The following ANO2 variants were observed in gnomAD, a reference collection of about 807,000 sequenced individuals.
ANO2 encodes anoctamin 2, also known as anoctamin-2.
Under a neutral mutation model 124.2 loss-of-function variants are expected in ANO2, and 101 were observed. The ratio of observed to expected loss-of-function variants is 0.81; its 90% confidence interval spans 0.69 to 0.96. The LOEUF (loss-of-function observed/expected upper bound fraction) is 0.96, where lower values mean the gene tolerates loss of function less well. Ranked by LOEUF, ANO2 falls within the 40% of genes least tolerant of loss-of-function variation. The pLI is 0.00. For missense variants in ANO2, 1,293 were observed against 1,274.5 expected, an observed-to-expected ratio of 1.01 and a Z score of -0.22; for synonymous variants, 486 against 482.5, an observed-to-expected ratio of 1.01 and a Z score of -0.09.
At chr12:5,920,682 G>A (rs1004066555) in intron 3 of ANO2, among the ~76,000 whole-genome samples, 5 of 152,014 alleles carry the variant, frequency 3.3e-5, no homozygotes, top group African/African-American at 1.2e-4. Context: ...TGGCTAACAC[G>A]GTGAAACCCC....
intron 3 of ANO2, among the ~76,000 whole-genome samples, chr12:5,884,031 C>T (rs59307098): frequency 1.3e-5 from 2 of 152,286 alleles, no homozygotes; most frequent in African/African-American, 4.8e-5. Flanking sequence ...GGCCCAAGGT[C>T]ACACAGGTAA....
intron 14 of ANO2, among the ~76,000 whole-genome samples, chr12:5,697,850 G>A (rs1349917656): frequency 6.6e-6 from 1 of 152,212 alleles, no homozygotes; most frequent in South Asian, 2.1e-4. Context: ...ATGGAGCCTC[G>A]CTCATTGCTA....
intron 3 of ANO2, among the ~76,000 whole-genome samples, chr12:5,892,853 ACTGT>A (rs1273336958): frequency 6.6e-6 from 1 of 152,340 alleles, no homozygotes; most frequent in Non-Finnish European, 1.5e-5. Flanking sequence ...AAAAATGTTA[ACTGT>A]CTGTGCAAAT....
At chr12:5,695,993 G>A (rs540031801) in intron 14 of ANO2, among the ~76,000 whole-genome samples, 2 of 152,194 alleles carry the variant, frequency 1.3e-5, no homozygotes, top group African/African-American at 2.4e-5. Flanking sequence ...TATGTGTTGA[G>A]TTACAGGGGG....
At chr12:5,601,150 A>G (rs1452278491) in intron 19 of ANO2, among the ~76,000 whole-genome samples, 1 of 152,164 alleles carries the variant, frequency 6.6e-6, no homozygotes, top group Non-Finnish European at 1.5e-5. Flanking sequence ...TCTTATCTTT[A>G]AAATGGAGAA....
chr12:5,847,676 G>A (rs1954725824), intron 4 of ANO2, among the ~76,000 whole-genome samples: 1 of 152,110 alleles, frequency 6.6e-6, no homozygotes, highest in Non-Finnish European at 1.5e-5. Flanking sequence ...ACAATAACAA[G>A]TACCTGAGAA....
At chr12:5,737,741 A>C (rs1402735760) in intron 13 of ANO2, among the ~76,000 whole-genome samples, 2 of 152,174 alleles carry the variant, frequency 1.3e-5, no homozygotes, top group Non-Finnish European at 2.9e-5. Flanking sequence ...CAAATAATAC[A>C]AACATTTCCC....
intron 9 of ANO2, among the ~76,000 whole-genome samples, chr12:5,800,919 G>A (rs1041898775): frequency 7.2e-5 from 11 of 152,188 alleles, no homozygotes; most frequent in African/African-American, 2.2e-4. Context: ...CCTGAGGTCT[G>A]GGCCCTGGGC....
At chr12:5,773,446 A>T (rs1012930582) in intron 10 of ANO2, among the ~76,000 whole-genome samples, 8 of 152,238 alleles carry the variant, frequency 5.3e-5, no homozygotes, top group African/African-American at 1.9e-4. Flanking sequence ...CACCAACAGC[A>T]AGACAGAGCC....
chr12:5,599,548 C>A lies in ANO2; in HGVS notation c.2169G>T (p.Glu723Asp). Reference sequence around the variant, plus strand: ...CCAAGCTGTAGTCTAGGTCCCACTGCTCTGGATGTTTCGAATGGGCAGAGT... The same window carrying A: ...CCAAGCTGTAGTCTAGGTCCCACTGATCTGGATGTTTCGAATGGGCAGAGT... ...ETDSAHSKHP[E>D]QWDLDYSLEP... Residue 723 changes from glutamate (E) to aspartate (D), a missense_variant, in exon 20 of 25, where the codon GAG becomes GAT. Coordinates refer to ENST00000682330, the MANE Select transcript of ANO2 (RefSeq NM_001364791.2). 1 of 1,613,930 alleles carries A rather than the reference C, an allele frequency of 6.2e-7. No homozygotes were observed.
At chr12:5,936,940 C>G (rs1415591318) in intron 1 of ANO2, among the ~76,000 whole-genome samples, 1 of 152,164 alleles carries the variant, frequency 6.6e-6, no homozygotes, top group Non-Finnish European at 1.5e-5. Flanking sequence ...ATCATCAAAG[C>G]TCCAAAATTC....
intron 19 of ANO2, 59 bp from the exon 20 acceptor site, chr12:5,599,688 G>C: frequency 3.8e-6 from 6 of 1,567,418 alleles, no homozygotes; most frequent in Non-Finnish European, 5.2e-6. Context: ...TGGTTTTGCA[G>C]ACAGAAAAAA....
intron 19 of ANO2, among the ~76,000 whole-genome samples, chr12:5,601,097 T>C (rs917838681): frequency 3.3e-5 from 5 of 152,214 alleles, no homozygotes; most frequent in African/African-American, 9.6e-5. Context: ...TCACCAACTA[T>C]ATGTCCATGG....
chr12:5,634,550 C>T (rs1945903887), intron 16 of ANO2, among the ~76,000 whole-genome samples: 1 of 152,162 alleles, frequency 6.6e-6, no homozygotes, highest in Non-Finnish European at 1.5e-5. Flanking sequence ...ATGTGGTGCT[C>T]GGGCAACAGC....
intron 7 of ANO2, among the ~76,000 whole-genome samples, chr12:5,826,717 T>C (rs1953968822): frequency 6.6e-6 from 1 of 152,098 alleles, no homozygotes; most frequent in African/African-American, 2.4e-5. Flanking sequence ...TATCATGGCA[T>C]AAAACCCATT....
Position 5,908,993 on chromosome 12 carries a change from C to T in ANO2, c.534+12047G>A, listed in dbSNP as rs116019244. Among the ~76,000 whole-genome samples, 1,724 of 152,262 alleles carry T rather than the reference C, an allele frequency of 0.011. 35 individuals are homozygous for T. The highest frequency in any genetic ancestry group is 0.039 in the African/African-American group (1,631 of 41,536). ...CTTTTGAGCAGAATGCATCATTACA[C>T]GCTGTAGGTCCACAAAATAGCAGAG... On this transcript the variant is annotated intron_variant, in intron 3 of 24. Coordinates refer to ENST00000682330, the MANE Select transcript of ANO2 (RefSeq NM_001364791.2). This position sits in a 1 kb window ranked among gnomAD's most constrained non-coding sequence, Gnocchi z 4.7.
intron 3 of ANO2, among the ~76,000 whole-genome samples, chr12:5,901,033 G>C (rs12316435): frequency 0.018 from 2,791 of 152,192 alleles, 67 homozygotes; most frequent in African/African-American, 0.063. Flanking sequence ...GATTCTCCTC[G>C]TCCCATTCCC....
intron 4 of ANO2, 127 bp from the exon 5 acceptor site, chr12:5,832,730 A>C (rs565586794): frequency 1.1e-5 from 12 of 1,099,668 alleles, no homozygotes. Flanking sequence ...AGAGACTGGG[A>C]GAAACAAGAA....
chr12:5,582,432 G>A (rs573947038), intron 20 of ANO2, among the ~76,000 whole-genome samples: 113 of 152,326 alleles, frequency 7.4e-4, no homozygotes, highest in African/African-American at 2.6e-3. Flanking sequence ...GATTTCCTGA[G>A]TTTAGGTTAA....
Sources: allele counts gnomAD v4.1 joint callset (sites outside exome capture counted in the v4.1 genomes callset), GRCh38; gene constraint gnomAD v4.1.1; non-coding constraint Gnocchi (gnomAD v3.1); transcripts MANE v1.5; gene names NCBI Gene and HGNC (gene_info 2026-07-23, HGNC 2026-07-21).